Variants in CDH11 observed in about 807,000 individuals in gnomAD.
The protein encoded by CDH11 is cadherin 11.
In CDH11, 11 loss-of-function variants were observed where a neutral mutation model predicts 67.8. The observed-to-expected ratio is 0.16, with a 90% CI of 0.10 to 0.27. The LOEUF is 0.27. CDH11 is among the 10% of genes least tolerant of loss of function. The probability of loss-of-function intolerance (pLI) is 1.00; values close to 1 mark genes in which losing one functional copy is unlikely to be tolerated. For synonymous variants in CDH11, 419 were observed against 400.0 expected (o/e 1.05, Z -0.57); for missense variants, 847 against 1,031.2 (o/e 0.82, Z 2.45).
chr16:65,040,472 C>T (rs527465962), intron 2 of CDH11, among the ~76,000 whole-genome samples: 348 of 151,868 alleles, frequency 2.3e-3, no homozygotes, highest in Non-Finnish European at 4.3e-3. Context: ...AACCAAACAC[C>T]GCGTGTTCTC....
chr16:64,945,448 C>T lies in CDH11; in HGVS notation c.*2155G>A. 1.9e-6 allele frequency: 2 copies of T among 1,036,806 alleles called. No individual in the cohort carries two copies. The highest frequency in any genetic ancestry group is 2.3e-6 in the Non-Finnish European group (2 of 860,496). The allele number at this position is 1,036,806 out of a possible 1,614,324, so 64.2% of individuals were successfully genotyped here. A position where few individuals can be genotyped will look rare whatever the true frequency, so the allele number is the denominator to read the frequency against. On this transcript the variant is annotated 3_prime_UTR_variant, in exon 13 of 13. Coordinates refer to ENST00000268603, the MANE Select transcript of CDH11 (RefSeq NM_001797.4). ...ATACATTCCTAGAGAAAAGGATCATCCATGGTGACAGGGTTACTTACAGCT... is the reference window on the plus strand; with the variant it reads ...ATACATTCCTAGAGAAAAGGATCATTCATGGTGACAGGGTTACTTACAGCT...
At chr16:65,087,998 A>G (rs1035885863) in intron 1 of CDH11, among the ~76,000 whole-genome samples, 1 of 152,190 alleles carries the variant, frequency 6.6e-6, no homozygotes, top group Non-Finnish European at 1.5e-5. Flanking sequence ...CTGAATGTTG[A>G]TATCTCCTCA....
At position 65,050,045 on chromosome 16, in the gene CDH11, G is replaced by A. The variant is rs74026236; in HGVS notation, c.-173+3759C>T. Among the ~76,000 whole-genome samples the A allele has an allele frequency of 9.2e-3, 1,402 of 152,174 alleles. 25 individuals are homozygous for A. The highest frequency in any genetic ancestry group is 0.032 in the African/African-American group (1,316 of 41,540). On this transcript the variant is annotated intron_variant, in intron 2 of 12. Transcript: ENST00000268603. ...AATGAAAGATAACTGGGTGACCTGC[G>A]ACCAGCAATTCCTGCTGGTTATTAC...
In CDH11 at chr16:64,988,353, A is replaced by G; in HGVS notation, c.812-9T>C. On this transcript the variant is annotated splice_polypyrimidine_tract_variant and intron_variant, in intron 6 of 12. Transcript: ENST00000268603. ...AGACATCTGGTATACGCCTAGAAGA[A>G]GAAGACATCTATTTTTATTTTCTCT... is the stretch of plus-strand genomic sequence containing the variant. 1 of 1,593,328 alleles carries G rather than the reference A, an allele frequency of 6.3e-7. No homozygotes were observed. Among genetic ancestry groups the G allele is most frequent in the Non-Finnish European group, 8.5e-7 (1 of 1,172,188 alleles).
At chr16:65,079,329 A>AT (rs750299584) in intron 1 of CDH11, among the ~76,000 whole-genome samples, 11 of 152,130 alleles carry the variant, frequency 7.2e-5, no homozygotes, top group Non-Finnish European at 1.0e-4. Flanking sequence ...TTTTAAATGC[A>AT]TTTTTTTCTA....
chr16:64,983,137 C>CTT (rs71758453), intron 7 of CDH11: 31 of 72,862 alleles, frequency 4.3e-4, no homozygotes, highest in South Asian at 2.2e-3. Context: ...TAAAATGCTT[C>CTT]TTTTTTTAAA....
At chr16:64,980,997 T>C (rs185270924) in intron 8 of CDH11, 45 of 152,226 alleles carry the variant, frequency 3.0e-4, no homozygotes, top group African/African-American at 1.0e-3. Context: ...CTCCTTCTTA[T>C]CACCCTCTCA....
intron 4 of CDH11, among the ~76,000 whole-genome samples, chr16:64,995,068 C>T (rs2072730144): frequency 6.6e-6 from 1 of 152,104 alleles, no homozygotes; most frequent in Admixed American, 6.5e-5. Flanking sequence ...ATGACACAAA[C>T]AAATGGAATA....
intron 2 of CDH11, among the ~76,000 whole-genome samples, chr16:65,048,023 G>A (rs1411465003): frequency 6.6e-6 from 1 of 152,150 alleles, no homozygotes; most frequent in Non-Finnish European, 1.5e-5. Context: ...GGGGTTCTTT[G>A]GAAGCAACAG....
intron 4 of CDH11, among the ~76,000 whole-genome samples, chr16:64,994,142 T>G (rs577528562): frequency 1.3e-5 from 2 of 152,162 alleles, no homozygotes; most frequent in Non-Finnish European, 2.9e-5. Context: ...GGATTGTCAG[T>G]GATTTTTGTG....
intron 8 of CDH11, chr16:64,981,491 A>G (rs570136817): frequency 6.6e-6 from 1 of 152,124 alleles, no homozygotes; most frequent in South Asian, 2.1e-4. Flanking sequence ...ACACTTTACT[A>G]CTTTTACAAA....
chr16:65,047,304 G>A (rs2073978112), intron 2 of CDH11, among the ~76,000 whole-genome samples: 1 of 151,946 alleles, frequency 6.6e-6, no homozygotes, highest in Admixed American at 6.6e-5. Flanking sequence ...AATTGAAGAA[G>A]ACTTAATTCT....
intron 2 of CDH11, among the ~76,000 whole-genome samples, chr16:65,033,477 A>G (rs772108984): frequency 3.5e-4 from 53 of 152,270 alleles, no homozygotes; most frequent in Non-Finnish European, 4.3e-4. Flanking sequence ...GCGGTGGCTC[A>G]AGCCTGTAAT....
chr16:65,082,285 C>T (rs2074623746), intron 1 of CDH11, among the ~76,000 whole-genome samples: 1 of 152,184 alleles, frequency 6.6e-6, no homozygotes, highest in African/African-American at 2.4e-5. Flanking sequence ...TAGCAGAGGA[C>T]AGATGAAAAG....
chr16:65,063,710 CAT>C (rs1306966867), intron 1 of CDH11, among the ~76,000 whole-genome samples: 2 of 152,144 alleles, frequency 1.3e-5, no homozygotes, highest in African/African-American at 4.8e-5. Context: ...CACACACACA[CAT>C]GCATGTGTAT....
intron 1 of CDH11, among the ~76,000 whole-genome samples, chr16:65,062,922 C>A (rs2074255364): frequency 6.6e-6 from 1 of 152,154 alleles, no homozygotes; most frequent in African/African-American, 2.4e-5. Flanking sequence ...TGACGTGAGC[C>A]AGGGAGAGAG....
At chr16:65,103,085 C>A (rs1446567167) in intron 1 of CDH11, among the ~76,000 whole-genome samples, 1 of 152,180 alleles carries the variant, frequency 6.6e-6, no homozygotes, top group Non-Finnish European at 1.5e-5. Flanking sequence ...ATGGCCCAAG[C>A]ACCATGGCAC....
intron 12 of CDH11, among the ~76,000 whole-genome samples, chr16:64,950,224 G>T (rs537908034): frequency 6.6e-6 from 1 of 152,238 alleles, no homozygotes; most frequent in Admixed American, 6.5e-5. Context: ...CTTCCAAGGG[G>T]TACCCATGAG....
intron 2 of CDH11, among the ~76,000 whole-genome samples, chr16:65,028,342 G>C (rs1051025841): frequency 6.6e-6 from 1 of 152,056 alleles, no homozygotes; most frequent in Non-Finnish European, 1.5e-5. Flanking sequence ...AGAGGAGAGA[G>C]TAAATGTTGC....
Sources: gnomAD v4.1 joint callset for allele counts (sites outside exome capture counted in the v4.1 genomes callset) on GRCh38, gnomAD v4.1.1 for gene constraint, MANE v1.5 for transcripts, NCBI Gene and HGNC (gene_info 2026-07-23, HGNC 2026-07-21) for gene names.